The following CRY1 variants were observed in gnomAD, a reference collection of about 807,000 sequenced individuals.
The protein encoded by CRY1 is cryptochrome-1.
A neutral mutation model predicts 76.0 loss-of-function variants in CRY1; 45 were observed. The observed-to-expected ratio is 0.59, with a 90% CI of 0.47 to 0.76. The LOEUF is 0.76. Ranked by LOEUF, CRY1 falls within the 30% of genes least tolerant of loss-of-function variation. CRY1 has a pLI of 0.00. For synonymous variants in CRY1, 248 were observed against 244.0 expected (o/e 1.02, Z -0.15); for missense variants, 587 against 716.4 (o/e 0.82, Z 2.06).
rs566826332 is a variant in CRY1, at chr12:107,072,124, CTT to C, written c.158+20678_158+20679del. Among the ~76,000 whole-genome samples, 110 of 152,298 alleles carry C rather than the reference CTT, an allele frequency of 7.2e-4. 1 individual carries two copies. The highest frequency in any genetic ancestry group is 2.3e-3 in the South Asian group (11 of 4,826). On this transcript the variant is annotated intron_variant, in intron 1 of 12. Transcript: ENST00000008527. ...ACTCCTTTTTGGAATTGAATTCTCTCTTGTTTGTTCCTTTCTGCATATGTGTT... is the reference window on the plus strand; with the variant it reads ...ACTCCTTTTTGGAATTGAATTCTCTCGTTTGTTCCTTTCTGCATATGTGTT...
chr12:107,021,995 A>T, intron 2 of CRY1, 89 bp downstream of exon 2: 1 of 1,005,604 alleles, frequency 9.9e-7, no homozygotes, highest in Non-Finnish European at 1.5e-6. Flanking sequence ...TATATTCGCT[A>T]CATTTTCAAT....
At chr12:107,000,821 G>A (rs931996377) in intron 5 of CRY1, among the ~76,000 whole-genome samples, 1 of 149,848 alleles carries the variant, frequency 6.7e-6, no homozygotes, top group African/African-American at 2.5e-5. Context: ...GCTAACTTTT[G>A]TATTTTTAGT....
intron 1 of CRY1, among the ~76,000 whole-genome samples, chr12:107,026,112 A>AGT (rs1952606661): frequency 3.1e-5 from 1 of 31,966 alleles, no homozygotes; most frequent in Non-Finnish European, 6.0e-5. Flanking sequence ...TATATATAAA[A>AGT]TATATATATT....
At chr12:106,995,421 G>C (rs933308361) in intron 10 of CRY1, among the ~76,000 whole-genome samples, 2 of 152,018 alleles carry the variant, frequency 1.3e-5, no homozygotes, top group Admixed American at 6.6e-5. Context: ...ACTTAAAAAA[G>C]CATTCCTCAA....
intron 1 of CRY1, among the ~76,000 whole-genome samples, chr12:107,056,718 G>A (rs1288687707): frequency 6.6e-6 from 1 of 152,144 alleles, no homozygotes; most frequent in East Asian, 1.9e-4. Context: ...GCCTCAGGAA[G>A]TTCCCACAAA....
chr12:107,006,117 G>A (rs575776601), intron 2 of CRY1, among the ~76,000 whole-genome samples: 4 of 152,236 alleles, frequency 2.6e-5, no homozygotes, highest in Admixed American at 1.3e-4. Flanking sequence ...GGCGTGCGGT[G>A]GCTCATGCCT....
chr12:107,023,939 G>T (rs1952582879), intron 1 of CRY1, among the ~76,000 whole-genome samples: 1 of 152,202 alleles, frequency 6.6e-6, no homozygotes, highest in African/African-American at 2.4e-5. Context: ...AATTTATCAT[G>T]TCTGGTGACA....
At chr12:107,070,363 A>G (rs185029245) in intron 1 of CRY1, among the ~76,000 whole-genome samples, 8 of 152,334 alleles carry the variant, frequency 5.3e-5, no homozygotes, top group Admixed American at 1.3e-4. Flanking sequence ...AAACAGAATA[A>G]GAAATACAAC....
At chr12:107,020,367 A>C (rs1174266706) in intron 2 of CRY1, among the ~76,000 whole-genome samples, 1 of 152,200 alleles carries the variant, frequency 6.6e-6, no homozygotes, top group African/African-American at 2.4e-5. Flanking sequence ...TATAAAGTTT[A>C]ATAGTAGTTG....
At chr12:107,046,380 C>T (rs1952849650) in intron 1 of CRY1, among the ~76,000 whole-genome samples, 1 of 151,624 alleles carries the variant, frequency 6.6e-6, no homozygotes, top group South Asian at 2.1e-4. Flanking sequence ...GTATAAAACT[C>T]ACTGGTAGAA....
chr12:107,000,044 C>A lies in CRY1; in HGVS notation c.723G>T (p.Ala241=), dbSNP rs747161939. 6.2e-7 allele frequency: 1 copy of A among 1,609,610 alleles called. No homozygotes were observed. Among genetic ancestry groups the A allele is most frequent in the Admixed American group, 1.7e-5 (1 of 58,976 alleles). Residue 241 remains alanine, a synonymous_variant, in exon 6 of 13, where the codon GCG becomes GCT. Transcript: ENST00000008527. ...CAGTAGGGCTTGCAAGCAGAGAATT[C>A]GCATTCATTCGAGGTCTTTCAAAAT... The part of the protein sequence containing the change: ...VANFERPRMN[A]NSLLASPTGL...
At chr12:107,021,500 TA>T (rs775915368) in intron 2 of CRY1, among the ~76,000 whole-genome samples, 46 of 152,138 alleles carry the variant, frequency 3.0e-4, no homozygotes, top group Non-Finnish European at 6.2e-4. Context: ...AAAGCTAGTT[TA>T]AAAAATTATA....
intron 2 of CRY1, among the ~76,000 whole-genome samples, chr12:107,006,932 C>A (rs1952383432): frequency 6.6e-6 from 1 of 152,040 alleles, no homozygotes; most frequent in African/African-American, 2.4e-5. Context: ...GCGTGAGCCA[C>A]CATGCCCAGC....
At chr12:107,052,320 C>A (rs1167294028) in intron 1 of CRY1, among the ~76,000 whole-genome samples, 1 of 152,092 alleles carries the variant, frequency 6.6e-6, no homozygotes, top group Non-Finnish European at 1.5e-5. Flanking sequence ...TACCTCTTTA[C>A]CACAAGGGCA....
intron 1 of CRY1, among the ~76,000 whole-genome samples, chr12:107,027,039 A>G (rs1248385352): frequency 1.3e-5 from 2 of 152,138 alleles, no homozygotes; most frequent in Non-Finnish European, 2.9e-5. Flanking sequence ...TTTTTCCTTG[A>G]TAATACCTCT....
rs773626403 is a variant in CRY1 at position 106,998,011 on chromosome 12, A to G, written c.1193T>C (p.Met398Thr). The stretch of plus-strand genomic sequence containing the variant: ...AAAAAAGGAACTACAAGACAGCCAC[A>G]TCCAACTTCCAGCATTTATGCTCCA... ...ADWSINAGSW[M>T]WLSCSSFFQQ... The change falls in exon 8 of 13, where the codon ATG becomes ACG. Residue 398 changes from methionine (M) to threonine (T), a missense_variant. Transcript: ENST00000008527. The G allele has an allele frequency of 6.2e-7, 1 of 1,614,192 alleles. No homozygotes were observed. Among genetic ancestry groups the G allele is most frequent in the Admixed American group, 1.7e-5 (1 of 60,026 alleles).
chr12:107,042,592 G>A (rs1246281306), intron 1 of CRY1, among the ~76,000 whole-genome samples: 1 of 125,360 alleles, frequency 8.0e-6, no homozygotes, highest in Non-Finnish European at 1.8e-5. Context: ...GCCAGGTAAT[G>A]ATATACTGTA....
chr12:107,080,648 T>G (rs1953310807), intron 1 of CRY1, among the ~76,000 whole-genome samples: 1 of 150,782 alleles, frequency 6.6e-6, no homozygotes, highest in Admixed American at 6.6e-5. Context: ...TCAAACATTG[T>G]TAAAAAAAAA....
At chr12:107,018,522 T>C (rs1298895304) in intron 2 of CRY1, among the ~76,000 whole-genome samples, 1 of 152,046 alleles carries the variant, frequency 6.6e-6, no homozygotes, top group Admixed American at 6.6e-5. Context: ...GGAAGGCAAA[T>C]GTTGCAGTGA....
Sources: allele counts gnomAD v4.1 joint callset (sites outside exome capture counted in the v4.1 genomes callset), GRCh38; gene constraint gnomAD v4.1.1; transcripts MANE v1.5; gene names NCBI Gene and HGNC (gene_info 2026-07-23, HGNC 2026-07-21).